The following FRMD6 variants were observed in gnomAD, a reference collection of about 807,000 sequenced individuals.
FRMD6 encodes FERM domain-containing protein 6.
FRMD6 carries 37 observed loss-of-function variants against 73.2 expected under a neutral mutation model. That is an observed-to-expected ratio of 0.51 (90% CI 0.39 to 0.66). The LOEUF is 0.66. Among genes scored for constraint, FRMD6 ranks in the 30% least tolerant of loss-of-function variants. FRMD6 has a pLI of 0.00. For synonymous variants in FRMD6, 273 were observed against 282.2 expected, an observed-to-expected ratio of 0.97 and a Z score of 0.33; for missense variants, 714 against 780.5, an observed-to-expected ratio of 0.91 and a Z score of 1.02.
At chr14:51,701,621 G>A (rs552988633) in intron 4 of FRMD6, among the ~76,000 whole-genome samples, 18 of 147,634 alleles carry the variant, frequency 1.2e-4, no homozygotes, top group African/African-American at 4.4e-4. Flanking sequence ...TATAAAAAAT[G>A]GGAAAAGAAA....
intron 2 of FRMD6, among the ~76,000 whole-genome samples, chr14:51,691,734 A>G (rs1056671220): frequency 8.6e-5 from 13 of 151,274 alleles, no homozygotes; most frequent in Non-Finnish European, 1.6e-4. Flanking sequence ...AGCTGGGACT[A>G]CAGGTGCCTG....
chr14:51,509,069 C>T (rs1005854311), intron 1 of FRMD6, among the ~76,000 whole-genome samples: 3 of 152,212 alleles, frequency 2.0e-5, no homozygotes, highest in Non-Finnish European at 2.9e-5. Flanking sequence ...CATCACTGCT[C>T]ACCATCATTC....
intron 1 of FRMD6, among the ~76,000 whole-genome samples, chr14:51,501,340 A>G (rs1883611543): frequency 6.6e-6 from 1 of 152,072 alleles, no homozygotes; most frequent in African/African-American, 2.4e-5. Context: ...AGCATCCATA[A>G]ACTATGCTTC....
intron 1 of FRMD6, among the ~76,000 whole-genome samples, chr14:51,660,123 G>C (rs1020802482): frequency 1.3e-5 from 2 of 152,160 alleles, no homozygotes; most frequent in Non-Finnish European, 2.9e-5. Flanking sequence ...CTTGAGCTTA[G>C]TAAACTTAGC....
At chr14:51,631,055 C>T (rs1448408098) in intron 2 of FRMD6, among the ~76,000 whole-genome samples, 3 of 152,112 alleles carry the variant, frequency 2.0e-5, no homozygotes, top group Non-Finnish European at 4.4e-5. Context: ...AAGGATTGCT[C>T]ATTCTGAGTA....
chr14:51,554,891 A>T (rs959368388), intron 1 of FRMD6: 2 of 152,220 alleles, frequency 1.3e-5, no homozygotes, highest in Admixed American at 1.3e-4. Context: ...TAATAAGTAT[A>T]CCGCAAAATG....
chr14:51,516,080 A>G (rs1447216253), intron 1 of FRMD6, among the ~76,000 whole-genome samples: 1 of 152,056 alleles, frequency 6.6e-6, no homozygotes, highest in Non-Finnish European at 1.5e-5. Flanking sequence ...TTCTGTGGAG[A>G]GAGGGGAAAG....
the FRMD6 span, among the ~76,000 whole-genome samples, chr14:51,472,824 G>C: frequency 6.6e-6 from 1 of 152,144 alleles, no homozygotes; most frequent in African/African-American, 2.4e-5. Flanking sequence ...TGAGGCGCCA[G>C]GAATCTTTGT....
intron 1 of FRMD6, among the ~76,000 whole-genome samples, chr14:51,552,874 AG>A (rs1873523124): frequency 6.6e-6 from 1 of 152,150 alleles, no homozygotes; most frequent in Non-Finnish European, 1.5e-5. Flanking sequence ...GCCTTCCTCA[AG>A]GGTGCGACAC....
intron 1 of FRMD6, among the ~76,000 whole-genome samples, chr14:51,688,301 G>A (rs753415324): frequency 6.6e-6 from 1 of 151,902 alleles, no homozygotes; most frequent in Non-Finnish European, 1.5e-5. Context: ...TTCTAAATGG[G>A]CTTTTAGCCA....
intron 1 of FRMD6, among the ~76,000 whole-genome samples, chr14:51,495,825 C>G (rs1394101678): frequency 1.3e-5 from 2 of 152,152 alleles, no homozygotes; most frequent in Non-Finnish European, 2.9e-5. Flanking sequence ...CCATGATAAA[C>G]AGAGGTGTAA....
chr14:51,436,715 A>G, the FRMD6 span: 8 of 530,498 alleles, frequency 1.5e-5, no homozygotes, highest in Admixed American at 1.8e-4. Context: ...TATTTGGCCA[A>G]ACCTATTACA....
chr14:51,606,950 A>G (rs999084303), intron 2 of FRMD6, among the ~76,000 whole-genome samples: 5 of 152,164 alleles, frequency 3.3e-5, no homozygotes, highest in African/African-American at 4.8e-5. Context: ...TTGTTGTTCA[A>G]GGACAGGAGA....
At chr14:51,562,680 A>G (rs1281951180) in intron 1 of FRMD6, among the ~76,000 whole-genome samples, 1 of 152,222 alleles carries the variant, frequency 6.6e-6, no homozygotes, top group Non-Finnish European at 1.5e-5. Context: ...TATTACCAAG[A>G]AGATTTGAGT....
In FRMD6 at chr14:51,681,840, T is replaced by C. The variant is rs1180901553; in HGVS notation, c.-146-7851T>C. On this transcript the variant is annotated intron_variant, in intron 1 of 13. Transcript: ENST00000344768. ...AAAGCTATTTTTACTAAAATTGCTATGATTACACTGTTTACTGATCAATTT... is the reference window on the plus strand; with the variant it reads ...AAAGCTATTTTTACTAAAATTGCTACGATTACACTGTTTACTGATCAATTT... Among the ~76,000 whole-genome samples, 3 of 152,236 alleles carry C rather than the reference T, an allele frequency of 2.0e-5. No homozygotes were observed. In the East Asian group the frequency reaches 5.8e-4, roughly 29 times the overall value.
the FRMD6 span, among the ~76,000 whole-genome samples, chr14:51,458,920 G>T: frequency 6.6e-6 from 1 of 152,206 alleles, no homozygotes; most frequent in South Asian, 2.1e-4. Flanking sequence ...GTGACTTAGT[G>T]GCTTGGGCTG....
At chr14:51,442,546 C>T in the FRMD6 span, among the ~76,000 whole-genome samples, 5 of 152,170 alleles carry the variant, frequency 3.3e-5, no homozygotes, top group Non-Finnish European at 5.9e-5. Flanking sequence ...TCTAGAAAGC[C>T]TCTGCCTTGC....
chr14:51,709,221 C>T (rs1896805440), intron 7 of FRMD6, among the ~76,000 whole-genome samples: 1 of 152,148 alleles, frequency 6.6e-6, no homozygotes, highest in Admixed American at 6.6e-5. Flanking sequence ...TGGCCTCTTA[C>T]TATGTGACCT....
intron 2 of FRMD6, among the ~76,000 whole-genome samples, chr14:51,592,434 C>T (rs976517917): frequency 9.2e-5 from 14 of 152,118 alleles, no homozygotes; most frequent in African/African-American, 2.7e-4. Context: ...TCCCTGGAGC[C>T]CTGTACAGTG....
Sources: gnomAD v4.1 joint callset for allele counts (sites outside exome capture counted in the v4.1 genomes callset) on GRCh38, gnomAD v4.1.1 for gene constraint, MANE v1.5 for transcripts, NCBI Gene and HGNC (gene_info 2026-07-23, HGNC 2026-07-21) for gene names.